SYNE1: variants seen among roughly 807,000 people sequenced by gnomAD.
SYNE1 encodes nesprin-1.
A neutral mutation model predicts 1,111.0 loss-of-function variants in SYNE1; 616 were observed. The observed-to-expected ratio is 0.55, with a 90% CI of 0.52 to 0.59. SYNE1 has a LOEUF of 0.59. SYNE1 is among the 20% of genes least tolerant of loss of function. The probability of loss-of-function intolerance (pLI) is 0.00; values close to 1 mark genes in which losing one functional copy is unlikely to be tolerated. For missense variants in SYNE1, 10,006 were observed against 10,417.0 expected (o/e 0.96, Z 1.72); for synonymous variants, 3,855 against 3,825.8 (o/e 1.01, Z -0.28).
chr6:152,523,236 C>T (rs562150359), intron 5 of SYNE1, among the ~76,000 whole-genome samples: 50 of 151,710 alleles, frequency 3.3e-4, no homozygotes, highest in Non-Finnish European at 6.0e-4. Flanking sequence ...TTGTATAAGG[C>T]GAGGGATAGG....
At chr6:152,429,346 A>T (rs1481101416) in intron 36 of SYNE1, among the ~76,000 whole-genome samples, 1 of 152,156 alleles carries the variant, frequency 6.6e-6, no homozygotes, top group East Asian at 1.9e-4. Flanking sequence ...GTCTATAAAA[A>T]TAATTTCATC....
intron 130 of SYNE1, among the ~76,000 whole-genome samples, chr6:152,170,564 C>T (rs2064937261): frequency 6.6e-6 from 1 of 152,206 alleles, no homozygotes; most frequent in Non-Finnish European, 1.5e-5. Context: ...CCTTACCAGG[C>T]ACCTTCCGAC....
At chr6:152,292,920 G>A (rs544173109) in intron 95 of SYNE1, among the ~76,000 whole-genome samples, 1 of 152,266 alleles carries the variant, frequency 6.6e-6, no homozygotes, top group African/African-American at 2.4e-5. Context: ...TTTTAACAGC[G>A]TACCTCATTA....
intron 3 of SYNE1, among the ~76,000 whole-genome samples, chr6:152,551,044 T>G (rs2099344405): frequency 6.6e-6 from 1 of 152,178 alleles, no homozygotes; most frequent in Non-Finnish European, 1.5e-5. Flanking sequence ...AGACCACATT[T>G]GAACAGTTTC....
At chr6:152,188,724 C>T (rs1248810999) in intron 128 of SYNE1, among the ~76,000 whole-genome samples, 2 of 151,542 alleles carry the variant, frequency 1.3e-5, no homozygotes, top group African/African-American at 2.4e-5. Flanking sequence ...TTTGGGAGGG[C>T]GAGGCGGACA....
chr6:152,391,385 T>C lies in SYNE1; in HGVS notation c.7896A>G (p.Ala2632=), dbSNP rs768521287. The C allele has an allele frequency of 9.3e-6, 15 of 1,613,948 alleles. No individual in the cohort carries two copies. The highest frequency in any genetic ancestry group is 8.5e-7 in the Non-Finnish European group (1 of 1,180,014). The change falls in exon 52 of 146, where the codon GCA becomes GCG. Residue 2632 remains alanine (A), a synonymous_variant. Coordinates refer to ENST00000367255, the MANE Select transcript of SYNE1 (RefSeq NM_182961.4). ...ALQEHEALEE[A]LQSMWFWVKA... is the part of the protein sequence containing the mutation. The stretch of plus-strand genomic sequence containing the variant: ...TCACCCAGAACCACATGCTTTGCAG[T>C]GCTTCCTCCAGGGCTTCGTGCTCCT...
intron 2 of SYNE1, among the ~76,000 whole-genome samples, chr6:152,629,433 T>A (rs1223325874): frequency 1.3e-5 from 2 of 149,164 alleles, no homozygotes; most frequent in Non-Finnish European, 3.0e-5. Context: ...CTCAAACTCC[T>A]GACCTCAAGT....
rs1322514834 is a variant in SYNE1, at chr6:152,336,987, A to G, written c.12382T>C (p.Leu4128=). Residue 4128 remains leucine (L), a synonymous_variant, in exon 76 of 146, where the codon TTA becomes CTA. Transcript: ENST00000367255. ...TTGATCTCTTCCCAGCCCTGAGTTA[A>G]GTTCTGGGCCTGGACAAGCTTTTGT... ...IEQKLVQAQN[L]TQGWEEIKHL... 10 of 1,614,010 alleles carry G rather than the reference A, an allele frequency of 6.2e-6. No individual in the cohort carries two copies. Among genetic ancestry groups the G allele is most frequent in the Non-Finnish European group, 7.6e-6 (9 of 1,180,030 alleles).
chr6:152,145,157 C>T (rs1007757384), intron 137 of SYNE1: 3 of 366,002 alleles, frequency 8.2e-6, no homozygotes, highest in Non-Finnish European at 1.6e-5. Flanking sequence ...GCTGAAATTA[C>T]CACACCACGT....
intron 98 of SYNE1, among the ~76,000 whole-genome samples, chr6:152,270,919 C>A (rs1171790338): frequency 6.6e-6 from 1 of 152,108 alleles, no homozygotes. Context: ...GGCACAAAGA[C>A]CCTAAGGTGA....
intron 78 of SYNE1, 80 bp downstream of exon 78, chr6:152,329,650 A>G: frequency 6.3e-7 from 1 of 1,587,888 alleles, no homozygotes; most frequent in Non-Finnish European, 8.6e-7. Flanking sequence ...AAGCAATTAT[A>G]ACCAAGCAAA....
intron 10 of SYNE1, 25 bp from the exon 11 acceptor site, chr6:152,498,817 T>C: frequency 7.4e-7 from 1 of 1,343,366 alleles, no homozygotes; most frequent in Non-Finnish European, 1.0e-6. Context: ...AGATAATATA[T>C]AGAAATATAA....
rs7745275 is a variant in SYNE1, at chr6:152,188,944, T to C, written c.23301+308A>G. 0.44 allele frequency among the ~76,000 whole-genome samples: 45,392 copies of C among 102,550 alleles called. 9,460 individuals carry two copies. Among genetic ancestry groups the C allele is most frequent in the African/African-American group, 0.54 (14,141 of 26,396 alleles). The allele number at this position is 102,550 out of a possible 152,430, so 67.3% of individuals were successfully genotyped here. A position where few individuals can be genotyped will look rare whatever the true frequency, so the allele number is the denominator to read the frequency against. The stretch of plus-strand genomic sequence containing the variant: ...CTGCACTCCAGCCTGGGCAAAAGAG[T>C]GAGACTCTGTCTCAAAAAAAAAAAA... On this transcript the variant is annotated intron_variant, in intron 128 of 145. Transcript: ENST00000367255.
chr6:152,599,363 G>A (rs1242467528), intron 3 of SYNE1, among the ~76,000 whole-genome samples: 2 of 152,168 alleles, frequency 1.3e-5, no homozygotes, highest in Admixed American at 6.6e-5. Flanking sequence ...ACACCCACAG[G>A]GCTTTCCAGA....
intron 93 of SYNE1, among the ~76,000 whole-genome samples, chr6:152,297,370 A>G (rs1290421823): frequency 6.6e-6 from 1 of 152,120 alleles, no homozygotes; most frequent in African/African-American, 2.4e-5. Context: ...GACTCCAGCC[A>G]GTTTAGGTGC....
At chr6:152,174,960 G>A (rs908462433) in intron 130 of SYNE1, among the ~76,000 whole-genome samples, 2 of 152,352 alleles carry the variant, frequency 1.3e-5, no homozygotes, top group East Asian at 1.9e-4. Context: ...TCGGGAGGCC[G>A]AGGCGGGTGG....
chr6:152,506,747 T>C (rs1330727818), intron 8 of SYNE1, among the ~76,000 whole-genome samples: 1 of 152,050 alleles, frequency 6.6e-6, no homozygotes, highest in Non-Finnish European at 1.5e-5. Context: ...AAAAAATCAA[T>C]AAGAATACAA....
intron 52 of SYNE1, among the ~76,000 whole-genome samples, 180 bp from the exon 53 acceptor site, chr6:152,390,632 TAG>T (rs2097597736): frequency 6.6e-6 from 1 of 152,234 alleles, no homozygotes; most frequent in Non-Finnish European, 1.5e-5. Context: ...TCTGGGAGTC[TAG>T]GAGTCAAAGA....
chr6:152,560,437 T>G (rs1365898355), intron 3 of SYNE1, among the ~76,000 whole-genome samples: 1 of 151,168 alleles, frequency 6.6e-6, no homozygotes, highest in Non-Finnish European at 1.5e-5. Context: ...GAGATTGAAG[T>G]AGTAAGAAAA....
Sources: gnomAD v4.1 joint callset for allele counts (sites outside exome capture counted in the v4.1 genomes callset) on GRCh38, gnomAD v4.1.1 for gene constraint, MANE v1.5 for transcripts, NCBI Gene and HGNC (gene_info 2026-07-23, HGNC 2026-07-21) for gene names.